The following ASH1L variants were observed in gnomAD, a reference collection of about 807,000 sequenced individuals.
The protein encoded by ASH1L is ASH1 like histone lysine methyltransferase.
In ASH1L, 23 loss-of-function variants were observed where a neutral mutation model predicts 269.0. The ratio of observed to expected loss-of-function variants is 0.09; its 90% confidence interval spans 0.06 to 0.12. The LOEUF is 0.12. Ranked by LOEUF, ASH1L falls within the 10% of genes least tolerant of loss-of-function variation. The pLI is 1.00. For missense variants in ASH1L, 2,912 were observed against 3,567.8 expected (o/e 0.82, Z 4.68); for synonymous variants, 1,187 against 1,253.5 (o/e 0.95, Z 1.12).
rs1448923746 is a variant in ASH1L at position 155,480,842 on chromosome 1, A to T, written c.2028T>A (p.Phe676Leu). ...TPSVVNFTSL[F>L]SNKPFLKLGA... ...CCAGTTTTAAAAAAGGCTTATTACT[A>T]AATAAACTAGTGAAGTTAACAACTG... Residue 676 changes from phenylalanine (F) to leucine (L), a missense_variant, in exon 3 of 28, where the codon TTT (phenylalanine) becomes TTA (leucine). Transcript: ENST00000392403. The T allele has an allele frequency of 6.2e-7, 1 of 1,613,952 alleles. No homozygotes were observed. The highest frequency in any genetic ancestry group is 8.5e-7 in the Non-Finnish European group (1 of 1,179,934).
chr1:155,518,777 C>A (rs1313224950), intron 2 of ASH1L, among the ~76,000 whole-genome samples: 1 of 133,554 alleles, frequency 7.5e-6, no homozygotes, highest in Non-Finnish European at 1.5e-5. Flanking sequence ...GAGGCAGAGA[C>A]AGGGAGCAGG....
At chr1:155,529,554 C>T (rs1669517532) in intron 1 of ASH1L, among the ~76,000 whole-genome samples, 1 of 152,032 alleles carries the variant, frequency 6.6e-6, no homozygotes, top group South Asian at 2.1e-4. Context: ...CATAGATTTG[C>T]TTAAGTTCCT....
intron 2 of ASH1L, among the ~76,000 whole-genome samples, chr1:155,500,439 T>G (rs1302338542): frequency 6.6e-6 from 1 of 152,104 alleles, no homozygotes; most frequent in South Asian, 2.1e-4. Flanking sequence ...ATAGCAAGAC[T>G]CAGAGATACC....
intron 17 of ASH1L, among the ~76,000 whole-genome samples, chr1:155,352,297 C>CA (rs1281473342): frequency 0.08 from 2,160 of 27,010 alleles, 130 homozygotes; most frequent in Non-Finnish European, 0.12. Flanking sequence ...ACCTCCATCT[C>CA]AAAAAAAAAA....
chr1:155,371,390 A>G (rs970564289), intron 10 of ASH1L, among the ~76,000 whole-genome samples: 4 of 152,034 alleles, frequency 2.6e-5, no homozygotes, highest in Admixed American at 1.3e-4. Context: ...TCTACTAAAA[A>G]TACAAAAATT....
At chr1:155,499,115 A>T (rs1335272027) in intron 2 of ASH1L, among the ~76,000 whole-genome samples, 1 of 152,142 alleles carries the variant, frequency 6.6e-6, no homozygotes, top group Non-Finnish European at 1.5e-5. Context: ...TATCCTCATT[A>T]TATGGCCCTC....
In ASH1L at chr1:155,422,278, A is replaced by G. The variant is rs560827246; in HGVS notation, c.5829-6355T>C. Among the ~76,000 whole-genome samples, 21 of 148,670 alleles carry G rather than the reference A, an allele frequency of 1.4e-4. No homozygotes were observed. The South Asian group carries it at 4.3e-3, about 30-fold the overall frequency. ...CAGCCTCCCGAGTAGCTGGGATTAC[A>G]GGGTCACACCACCACGCCCAGCTAA... On this transcript the variant is annotated intron_variant, in intron 5 of 27. Transcript: ENST00000392403.
rs546630311 is a variant in ASH1L, at chr1:155,538,024, T to TTTTTTA, written c.-99-16412_-99-16407dup. Among the ~76,000 whole-genome samples, 374 of 152,144 alleles carry TTTTTTA rather than the reference T, an allele frequency of 2.5e-3. 2 individuals are homozygous for TTTTTTA. Among genetic ancestry groups the TTTTTTA allele is most frequent in the African/African-American group, 8.6e-3 (355 of 41,514 alleles). On this transcript the variant is annotated intron_variant, in intron 1 of 27. Transcript: ENST00000392403. ...TTTTAAATTTTTTAATTTTTATTTATTTTTTATTTTTATTTTTGGAGATGG... is the reference window on the plus strand; with the variant it reads ...TTTTAAATTTTTTAATTTTTATTTATTTTTTATTTTTATTTTTATTTTTGGAGATGG...
chr1:155,418,494 A>G (rs1380243632), intron 5 of ASH1L, among the ~76,000 whole-genome samples: 2 of 152,138 alleles, frequency 1.3e-5, no homozygotes, highest in Non-Finnish European at 2.9e-5. Flanking sequence ...ATATAATACT[A>G]ACAGAATCTT....
At position 155,339,315 on chromosome 1, in the gene ASH1L, C is replaced by G. The variant is rs758337819; in HGVS notation, c.8501+13G>C. The G allele has an allele frequency of 2.5e-6, 4 of 1,612,646 alleles. No individual in the cohort carries two copies. The highest frequency in any genetic ancestry group is 1.3e-5 in the African/African-American group (1 of 74,896). On this transcript the variant is annotated intron_variant, in intron 26 of 27. Transcript: ENST00000392403. The stretch of plus-strand genomic sequence containing the variant: ...AATCCCTTAGGATCCTCATATCCCC[C>G]CATGGGACTTACCGTCCTCCATTCC...
At chr1:155,349,885 T>C (rs1348086803) in intron 17 of ASH1L, among the ~76,000 whole-genome samples, 8 of 129,294 alleles carry the variant, frequency 6.2e-5, no homozygotes, top group Non-Finnish European at 9.9e-5. Context: ...GCCAAGCTAC[T>C]TTTTTTTTTT....
intron 3 of ASH1L, among the ~76,000 whole-genome samples, chr1:155,468,280 T>C (rs1242718193): frequency 6.6e-6 from 1 of 151,664 alleles, no homozygotes; most frequent in East Asian, 1.9e-4. Context: ...GAGTACATGA[T>C]ATCACCATGC....
In ASH1L at chr1:155,443,337, C is replaced by T. The variant is rs1662748502; in HGVS notation, c.5087-4269G>A. 2.0e-5 allele frequency among the ~76,000 whole-genome samples: 3 copies of T among 152,128 alleles called. No individual in the cohort carries two copies. In the South Asian group the frequency reaches 6.2e-4, roughly 32 times the overall value. ...CTCACACTTCATTTTTGAATTGTTC[C>T]TATCTTCACAAATTCTGGCCTGCCA... On this transcript the variant is annotated intron_variant, in intron 4 of 27. Coordinates refer to ENST00000392403, the MANE Select transcript of ASH1L (RefSeq NM_018489.3).
intron 1 of ASH1L, among the ~76,000 whole-genome samples, chr1:155,525,401 A>C (rs1262948660): frequency 6.6e-6 from 1 of 152,158 alleles, no homozygotes; most frequent in African/African-American, 2.4e-5. Flanking sequence ...GACCCATTTT[A>C]GTCTTAATTA....
intron 4 of ASH1L, among the ~76,000 whole-genome samples, chr1:155,442,785 G>GT (rs1662706399): frequency 1.3e-5 from 2 of 151,964 alleles, no homozygotes; most frequent in Non-Finnish European, 2.9e-5. Flanking sequence ...AACTCATCAT[G>GT]TTTTTTCTTG....
intron 4 of ASH1L, chr1:155,440,531 T>C (rs1203724866): frequency 1.0e-6 from 1 of 955,270 alleles, no homozygotes; most frequent in Non-Finnish European, 1.2e-6. Context: ...TTTATTCTCA[T>C]AGTCTCAATT....
intron 10 of ASH1L, among the ~76,000 whole-genome samples, chr1:155,377,559 A>G (rs1418372964): frequency 1.3e-5 from 2 of 151,846 alleles, no homozygotes; most frequent in Non-Finnish European, 2.9e-5. Context: ...GTGAGACCCT[A>G]TCTCTAAAAA....
At chr1:155,514,129 G>A (rs34201109) in intron 2 of ASH1L, among the ~76,000 whole-genome samples, 15,745 of 152,124 alleles carry the variant, frequency 0.1, 1,077 homozygotes, top group Non-Finnish European at 0.16. Flanking sequence ...TAGTGGTTTC[G>A]CTAGGGGCTG....
chr1:155,439,540 A>G (rs1161467195), intron 4 of ASH1L, among the ~76,000 whole-genome samples: 1 of 152,066 alleles, frequency 6.6e-6, no homozygotes, highest in Non-Finnish European at 1.5e-5. Flanking sequence ...TCTACAAACA[A>G]TATAAAAAAA....
Sources: allele counts gnomAD v4.1 joint callset (sites outside exome capture counted in the v4.1 genomes callset), GRCh38; gene constraint gnomAD v4.1.1; transcripts MANE v1.5; gene names NCBI Gene and HGNC (gene_info 2026-07-23, HGNC 2026-07-21).